The following WDR20 variants were observed in gnomAD, a reference collection of about 807,000 sequenced individuals.
WDR20 encodes WD repeat-containing protein 20.
In WDR20, 3 loss-of-function variants were observed where a neutral mutation model predicts 38.7. That is an observed-to-expected ratio of 0.08 (90% CI 0.04 to 0.20). The LOEUF (loss-of-function observed/expected upper bound fraction) is 0.20, where lower values mean the gene tolerates loss of function less well. Ranked by LOEUF, WDR20 falls within the 10% of genes least tolerant of loss-of-function variation. WDR20 has a pLI of 1.00. For missense variants in WDR20, 559 were observed against 727.7 expected (o/e 0.77, Z 2.67); for synonymous variants, 298 against 285.6 (o/e 1.04, Z -0.44).
At chr14:102,170,152 T>C (rs1292348118) in intron 1 of WDR20, among the ~76,000 whole-genome samples, 1 of 152,216 alleles carries the variant, frequency 6.6e-6, no homozygotes, top group Non-Finnish European at 1.5e-5. Context: ...ACTTCGGAGA[T>C]TGTTCTTTGT....
At chr14:102,166,120 C>G (rs796084198) in intron 1 of WDR20, among the ~76,000 whole-genome samples, 4 of 139,918 alleles carry the variant, frequency 2.9e-5, no homozygotes, top group African/African-American at 1.0e-4. Context: ...CACCCCCCTT[C>G]TCACCCCCAG....
chr14:102,185,833 A>G (rs917325706), intron 1 of WDR20, among the ~76,000 whole-genome samples: 7 of 150,494 alleles, frequency 4.7e-5, no homozygotes, highest in African/African-American at 1.2e-4. Context: ...AAAAAAAAGC[A>G]TTATATATTT....
intron 1 of WDR20, among the ~76,000 whole-genome samples, chr14:102,145,560 A>C (rs1044475128): frequency 6.6e-6 from 1 of 152,178 alleles, no homozygotes; most frequent in Non-Finnish European, 1.5e-5. Flanking sequence ...CCTGGGCAAC[A>C]CAGTGAAACC....
chr14:102,168,058 G>A (rs2060098740), intron 1 of WDR20, among the ~76,000 whole-genome samples: 1 of 152,160 alleles, frequency 6.6e-6, no homozygotes, highest in African/African-American at 2.4e-5. Flanking sequence ...TTAAAGAACA[G>A]CAGGTGGTTA....
intron 1 of WDR20, among the ~76,000 whole-genome samples, chr14:102,158,710 G>C (rs73345693): frequency 0.019 from 2,939 of 152,166 alleles, 98 homozygotes; most frequent in African/African-American, 0.068. Context: ...ACAGTCAAAA[G>C]AGAATTTCTC....
chr14:102,168,570 T>C (rs2060213878), intron 1 of WDR20, among the ~76,000 whole-genome samples: 1 of 152,206 alleles, frequency 6.6e-6, no homozygotes, highest in Non-Finnish European at 1.5e-5. Context: ...CTTCCCAGTT[T>C]GGTATGTAGA....
intron 1 of WDR20, among the ~76,000 whole-genome samples, chr14:102,168,497 A>C (rs528862932): frequency 1.3e-5 from 2 of 152,218 alleles, no homozygotes; most frequent in Admixed American, 1.3e-4. Flanking sequence ...GGCACGGTGT[A>C]GGTGCTCAGT....
intron 1 of WDR20, among the ~76,000 whole-genome samples, chr14:102,162,674 T>A (rs1289045232): frequency 6.6e-6 from 1 of 152,018 alleles, no homozygotes; most frequent in Non-Finnish European, 1.5e-5. Flanking sequence ...TGGAGTGCAG[T>A]GTGATCTCAG....
chr14:102,172,830 C>T (rs1196582392), intron 1 of WDR20, among the ~76,000 whole-genome samples: 2 of 148,092 alleles, frequency 1.4e-5, no homozygotes, highest in Non-Finnish European at 3.0e-5. Flanking sequence ...GGCTGCCGGG[C>T]GGAGGGTCTC....
intron 1 of WDR20, among the ~76,000 whole-genome samples, chr14:102,164,997 G>A (rs963469649): frequency 6.6e-6 from 1 of 152,198 alleles, no homozygotes; most frequent in Non-Finnish European, 1.5e-5. Context: ...TACGACATAT[G>A]CTCCGGCAGA....
intron 1 of WDR20, among the ~76,000 whole-genome samples, chr14:102,193,830 G>A (rs2058958772): frequency 6.6e-6 from 1 of 152,176 alleles, no homozygotes; most frequent in Admixed American, 6.5e-5. Context: ...TGGGTGTCTT[G>A]AGGGACAAGT....
At chr14:102,202,676 GGCCTGTA>G (rs938241417) in intron 2 of WDR20, among the ~76,000 whole-genome samples, 1 of 151,980 alleles carries the variant, frequency 6.6e-6, no homozygotes, top group Non-Finnish European at 1.5e-5. Flanking sequence ...CACTGCGCCG[GGCCTGTA>G]CGGAGGTTTT....
chr14:102,202,627 G>C (rs543254309), intron 2 of WDR20, among the ~76,000 whole-genome samples: 1 of 151,956 alleles, frequency 6.6e-6, no homozygotes, highest in Non-Finnish European at 1.5e-5. Context: ...TGATCCGCCC[G>C]CCTTGGCCTC....
intron 1 of WDR20, among the ~76,000 whole-genome samples, chr14:102,178,418 T>C (rs1286493430): frequency 6.6e-6 from 1 of 151,244 alleles, no homozygotes; most frequent in African/African-American, 2.4e-5. Flanking sequence ...TTGTTTGGCG[T>C]GTGTGTATTC....
downstream of WDR20, among the ~76,000 whole-genome samples, chr14:102,218,065 G>T (rs1312278170): frequency 6.6e-6 from 1 of 152,246 alleles, no homozygotes; most frequent in Non-Finnish European, 1.5e-5. Context: ...TGTTGTGGCT[G>T]TGTAGAACCA....
chr14:102,159,109 T>C (rs2058102336), intron 1 of WDR20, among the ~76,000 whole-genome samples: 1 of 152,040 alleles, frequency 6.6e-6, no homozygotes, highest in African/African-American at 2.4e-5. Flanking sequence ...CACCCCTGGC[T>C]AATTTTTACA....
At chr14:102,183,269 T>C (rs1014086862) in intron 1 of WDR20, among the ~76,000 whole-genome samples, 1 of 152,252 alleles carries the variant, frequency 6.6e-6, no homozygotes, top group Non-Finnish European at 1.5e-5. Flanking sequence ...GTTACCCAAA[T>C]TGATTTGAGG....
chr14:102,222,688 G>A lies in WDR20; in HGVS notation c.1693-142G>A. On this transcript the variant is annotated intron_variant, in intron 3 of 3. Transcript: ENST00000335263. This position sits in a 1 kb window ranked among gnomAD's most constrained non-coding sequence, Gnocchi z 4.4. ...TGATCTGGATAGGAATTAAATAGAT[G>A]AAGTGGAGGGTTTGCTCCCACACTG... 3 of 790,212 alleles carry A rather than the reference G, an allele frequency of 3.8e-6. No individual in the cohort carries two copies. Among genetic ancestry groups the A allele is most frequent in the Non-Finnish European group, 4.4e-6 (2 of 457,068 alleles). The allele number at this position is 790,212 out of a possible 1,614,324, so 49.0% of individuals were successfully genotyped here.
chr14:102,163,045 A>G (rs768464872), intron 1 of WDR20, among the ~76,000 whole-genome samples: 2 of 152,172 alleles, frequency 1.3e-5, no homozygotes, highest in Non-Finnish European at 2.9e-5. Flanking sequence ...TATGATTTCA[A>G]TATCTGTTCC....
Sources: allele counts gnomAD v4.1 joint callset (sites outside exome capture counted in the v4.1 genomes callset), GRCh38; gene constraint gnomAD v4.1.1; non-coding constraint Gnocchi (gnomAD v3.1); transcripts MANE v1.5; gene names NCBI Gene and HGNC (gene_info 2026-07-23, HGNC 2026-07-21).